HMCN1: variants seen among roughly 807,000 people sequenced by gnomAD.
HMCN1 encodes the protein hemicentin 1, also known as hemicentin-1.
HMCN1 carries 321 observed loss-of-function variants against 625.9 expected under a neutral mutation model. That is an observed-to-expected ratio of 0.51 (90% confidence interval 0.47 to 0.56). The LOEUF is 0.56. Ranked by LOEUF, HMCN1 falls within the 20% of genes least tolerant of loss-of-function variation. HMCN1 has a pLI of 0.00. For synonymous variants in HMCN1, 2,425 were observed against 2,417.6 expected, an observed-to-expected ratio of 1.00 and a Z score of -0.09; for missense variants, 6,588 against 6,887.3, an observed-to-expected ratio of 0.96 and a Z score of 1.54.
chr1:185,869,408 A>G (rs1663467247), intron 4 of HMCN1, among the ~76,000 whole-genome samples: 2 of 152,190 alleles, frequency 1.3e-5, no homozygotes, highest in African/African-American at 2.4e-5. Flanking sequence ...GTAGTGCCCA[A>G]TAAATATTAA....
Position 185,970,335 on chromosome 1 carries a change from G to T in HMCN1, c.2213G>T (p.Gly738Val). 1 of 1,612,952 alleles carries T rather than the reference G, an allele frequency of 6.2e-7. No individual in the cohort carries two copies. Among genetic ancestry groups the T allele is most frequent in the South Asian group, 1.1e-5 (1 of 91,042 alleles). ...IPPPQVKWFKGDLELRPSTFL... is the reference protein window; with the variant it reads ...IPPPQVKWFKVDLELRPSTFL... ...TGTTCTCCCCTTTGTTTTGACTTAG[G>T]AGATCTTGAGTTGAGGCCCTCAACA... Residue 738 changes from glycine (G) to valine (V), a missense_variant and splice_region_variant, in exon 15 of 107, where the codon GGA (glycine) becomes GTA (valine). Gly to Val is a moderately radical substitution (Grantham distance 109). Coordinates refer to ENST00000271588, the MANE Select transcript of HMCN1 (RefSeq NM_031935.3).
In HMCN1 at chr1:186,164,486, G is replaced by A. The variant is rs191626243; in HGVS notation, c.15257-625G>A. ...TCTCGATCTCCTGACCTTGTGATCC[G>A]CCCGCCTCGGCCTCCCAAAGTGCTG... On this transcript the variant is annotated intron_variant, in intron 97 of 106. Coordinates refer to ENST00000271588, the MANE Select transcript of HMCN1 (RefSeq NM_031935.3). Among the ~76,000 whole-genome samples, 508 of 152,078 alleles carry A rather than the reference G, an allele frequency of 3.3e-3. 3 individuals are homozygous for A. Among genetic ancestry groups the A allele is most frequent in the African/African-American group, 0.01 (429 of 41,502 alleles).
At chr1:185,952,355 C>G (rs1219175302) in intron 11 of HMCN1, among the ~76,000 whole-genome samples, 1 of 150,318 alleles carries the variant, frequency 6.7e-6, no homozygotes, top group African/African-American at 2.5e-5. Context: ...AGAGGAGCAG[C>G]CTGGGGAGGA....
chr1:185,980,715 A>G (rs1453741596), intron 16 of HMCN1, among the ~76,000 whole-genome samples: 3 of 152,084 alleles, frequency 2.0e-5, no homozygotes, highest in Middle Eastern at 3.2e-3. Flanking sequence ...CCTCTATTCT[A>G]CTCACTCAGA....
chr1:186,143,531 C>G (rs1482472232), intron 89 of HMCN1, among the ~76,000 whole-genome samples: 1 of 152,184 alleles, frequency 6.6e-6, no homozygotes, highest in Non-Finnish European at 1.5e-5. Flanking sequence ...TCCTTGGAAA[C>G]TACTAGTCAG....
At chr1:185,902,214 A>C (rs1404869022) in intron 4 of HMCN1, among the ~76,000 whole-genome samples, 2 of 151,572 alleles carry the variant, frequency 1.3e-5, no homozygotes, top group Admixed American at 1.3e-4. Flanking sequence ...ATTTTAAATA[A>C]GATATTCAGA....
chr1:185,830,570 G>A (rs1353887515), intron 1 of HMCN1, among the ~76,000 whole-genome samples: 1 of 151,990 alleles, frequency 6.6e-6, no homozygotes, highest in African/African-American at 2.4e-5. Flanking sequence ...GATGTGTGGT[G>A]TTATCTCTGT....
At chr1:185,858,198 C>T (rs1459768382) in intron 2 of HMCN1, among the ~76,000 whole-genome samples, 2 of 152,128 alleles carry the variant, frequency 1.3e-5, no homozygotes, top group African/African-American at 4.8e-5. Flanking sequence ...TGTGACAATA[C>T]TCTCTCAGCA....
chr1:186,142,592 A>G (rs1208653813), intron 89 of HMCN1, among the ~76,000 whole-genome samples: 1 of 152,188 alleles, frequency 6.6e-6, no homozygotes, highest in Non-Finnish European at 1.5e-5. Context: ...TCTAGATAGC[A>G]TGATGTTTTA....
intron 86 of HMCN1, among the ~76,000 whole-genome samples, chr1:186,132,718 T>C (rs1558247872): frequency 6.6e-6 from 1 of 152,092 alleles, no homozygotes; most frequent in Admixed American, 6.6e-5. Context: ...TACATATGTA[T>C]ACATGTGCCA....
chr1:186,154,161 C>T (rs562242479), intron 97 of HMCN1, among the ~76,000 whole-genome samples, 174 bp downstream of exon 97: 22 of 152,290 alleles, frequency 1.4e-4, no homozygotes, highest in Non-Finnish European at 2.6e-4. Context: ...AATTGGAGTT[C>T]TAGTACATTT....
intron 4 of HMCN1, among the ~76,000 whole-genome samples, chr1:185,887,512 G>T (rs1006232538): frequency 2.7e-5 from 4 of 149,016 alleles, no homozygotes; most frequent in African/African-American, 9.9e-5. Context: ...CTGTGTCCAT[G>T]TGATATCATT....
At chr1:186,070,513 T>C in intron 51 of HMCN1, 99 bp from the exon 52 acceptor site, 1 of 1,062,298 alleles carries the variant, frequency 9.4e-7, no homozygotes, top group Non-Finnish European at 1.5e-6. Flanking sequence ...CTCTGTTATT[T>C]CCTTGTTTTC....
rs759638529 is a variant in HMCN1, at chr1:186,151,189, T to TC, written c.14609-6dup. On this transcript the variant is annotated splice_polypyrimidine_tract_variant and intron_variant, in intron 93 of 106. Transcript: ENST00000271588. ...ATCCTTATCCAGGAATGTTTTTTTTTCCCCCAATAGGTGGGCCCCAGCGAG... is the reference window on the plus strand; with the variant it reads ...ATCCTTATCCAGGAATGTTTTTTTTTCCCCCCAATAGGTGGGCCCCAGCGAG... The TC allele has an allele frequency of 3.1e-6, 5 of 1,613,290 alleles. No individual in the cohort carries two copies. Among genetic ancestry groups the TC allele is most frequent in the South Asian group, 1.1e-5 (1 of 91,042 alleles).
At chr1:185,937,884 A>AT (rs1446044082) in intron 11 of HMCN1, among the ~76,000 whole-genome samples, 1 of 103,852 alleles carries the variant, frequency 9.6e-6, no homozygotes, top group Non-Finnish European at 1.7e-5. Context: ...CCATCTCAAA[A>AT]TAATAATAAT....
intron 1 of HMCN1, among the ~76,000 whole-genome samples, chr1:185,825,961 A>G (rs1341379342): frequency 6.6e-6 from 1 of 152,220 alleles, no homozygotes; most frequent in Non-Finnish European, 1.5e-5. Context: ...GTTTCTATAA[A>G]AACTAAATAT....
chr1:186,021,495 G>C (rs1241355769), intron 35 of HMCN1, among the ~76,000 whole-genome samples: 1 of 152,084 alleles, frequency 6.6e-6, no homozygotes, highest in Non-Finnish European at 1.5e-5. Context: ...AATCCAAGGA[G>C]AGAGTAAAGG....
chr1:185,850,286 A>G (rs575639863), intron 2 of HMCN1, among the ~76,000 whole-genome samples: 1 of 152,290 alleles, frequency 6.6e-6, no homozygotes, highest in East Asian at 1.9e-4. Context: ...GAAAAACCTA[A>G]CCATCAGTTT....
chr1:185,962,757 A>T, intron 12 of HMCN1, 98 bp downstream of exon 12: 1 of 778,672 alleles, frequency 1.3e-6, no homozygotes, highest in Non-Finnish European at 2.4e-6. Flanking sequence ...ATATTAAGGG[A>T]GGTTTGACCA....
Sources: allele counts gnomAD v4.1 joint callset (sites outside exome capture counted in the v4.1 genomes callset), GRCh38; gene constraint gnomAD v4.1.1; transcripts MANE v1.5; gene names NCBI Gene and HGNC (gene_info 2026-07-23, HGNC 2026-07-21).